The following LHFPL3 variants were observed in gnomAD, a reference collection of about 807,000 sequenced individuals.
LHFPL3 encodes LHFPL tetraspan subfamily member 3 protein.
Under a neutral mutation model 19.3 loss-of-function variants are expected in LHFPL3, and 5 were observed. The observed-to-expected ratio is 0.26, with a 90% CI of 0.14 to 0.54. The LOEUF is 0.54. LHFPL3 is among the 20% of genes least tolerant of loss of function. The pLI is 0.94. For synonymous variants in LHFPL3, 133 were observed against 126.2 expected, an observed-to-expected ratio of 1.05 and a Z score of -0.36; for missense variants, 249 against 307.4, an observed-to-expected ratio of 0.81 and a Z score of 1.42.
intron 1 of LHFPL3, among the ~76,000 whole-genome samples, chr7:104,430,446 ATATATATATTTTTTTTTTTTTTTTTT>A (rs1791973169): frequency 4.9e-5 from 1 of 20,420 alleles, no homozygotes; most frequent in African/African-American, 2.9e-4. Flanking sequence ...ATATATATAT[ATATATATATTTTTTTTTTTTTTTTTT>A]TTTTTTTTTT....
chr7:104,536,555 T>C (rs1794392510), intron 1 of LHFPL3, among the ~76,000 whole-genome samples: 1 of 152,210 alleles, frequency 6.6e-6, no homozygotes, highest in South Asian at 2.1e-4. Flanking sequence ...TCAATTAAAG[T>C]TGTAGTTCTG....
At chr7:104,809,569 TA>T (rs771100399) in intron 2 of LHFPL3, among the ~76,000 whole-genome samples, 2 of 152,248 alleles carry the variant, frequency 1.3e-5, no homozygotes, top group Admixed American at 6.5e-5. Context: ...ATTCTATTAC[TA>T]GCACTCTCAC....
chr7:104,775,100 A>T (rs1398816392), intron 2 of LHFPL3, among the ~76,000 whole-genome samples: 1 of 152,204 alleles, frequency 6.6e-6, no homozygotes, highest in Non-Finnish European at 1.5e-5. Flanking sequence ...TTTGACAATT[A>T]AATATAGCTG....
At chr7:104,807,955 G>A (rs778833832) in intron 2 of LHFPL3, among the ~76,000 whole-genome samples, 11 of 152,292 alleles carry the variant, frequency 7.2e-5, no homozygotes, top group South Asian at 2.1e-4. Flanking sequence ...TGCATTCAAC[G>A]GGAGTGTTTA....
intron 2 of LHFPL3, among the ~76,000 whole-genome samples, chr7:104,830,358 G>A (rs1422586974): frequency 6.6e-6 from 1 of 151,686 alleles, no homozygotes; most frequent in Non-Finnish European, 1.5e-5. Flanking sequence ...TGTCAATTTT[G>A]GCTTTTGTTG....
At chr7:104,764,789 C>T (rs1794428494) in intron 2 of LHFPL3, among the ~76,000 whole-genome samples, 1 of 152,172 alleles carries the variant, frequency 6.6e-6, no homozygotes, top group Non-Finnish European at 1.5e-5. Context: ...TATTGAAGTG[C>T]TTTACAATTT....
intron 1 of LHFPL3, among the ~76,000 whole-genome samples, chr7:104,442,088 A>G (rs1266342764): frequency 6.6e-6 from 1 of 151,390 alleles, no homozygotes; most frequent in African/African-American, 2.4e-5. Flanking sequence ...CAGAATAGCC[A>G]TTCTAACAGG....
chr7:104,622,571 C>A (rs1391483421), intron 1 of LHFPL3, among the ~76,000 whole-genome samples: 3 of 152,136 alleles, frequency 2.0e-5, no homozygotes, highest in Non-Finnish European at 2.9e-5. Context: ...CCATCCCCCC[C>A]AAAAATCCTC....
At chr7:104,382,430 G>T (rs148050534) in intron 1 of LHFPL3, among the ~76,000 whole-genome samples, 168 of 152,346 alleles carry the variant, frequency 1.1e-3, no homozygotes, top group Middle Eastern at 6.8e-3. Context: ...GGAGGTTGCT[G>T]TGAGCCAAGA....
intron 2 of LHFPL3, among the ~76,000 whole-genome samples, chr7:104,905,074 G>A (rs1792570673): frequency 6.6e-6 from 1 of 152,032 alleles, no homozygotes; most frequent in South Asian, 2.1e-4. Context: ...TCCCACGTCA[G>A]CCCCTTGAGT....
At chr7:104,370,281 G>A (rs1048043366) in intron 1 of LHFPL3, among the ~76,000 whole-genome samples, 57 of 152,212 alleles carry the variant, frequency 3.7e-4, no homozygotes, top group African/African-American at 1.3e-3. Flanking sequence ...CTGCAAGCTG[G>A]AATGAACTAC....
At chr7:104,796,165 G>T (rs2116460169) in intron 2 of LHFPL3, among the ~76,000 whole-genome samples, 1 of 152,328 alleles carries the variant, frequency 6.6e-6, no homozygotes, top group Middle Eastern at 3.4e-3. Flanking sequence ...CGAGGAAGCA[G>T]GTCCTGAAGT....
intron 1 of LHFPL3, among the ~76,000 whole-genome samples, chr7:104,461,087 G>C (rs1395570300): frequency 6.6e-6 from 1 of 152,184 alleles, no homozygotes; most frequent in East Asian, 1.9e-4. Flanking sequence ...GTTTCACATG[G>C]CTGGGGAGGC....
At chr7:104,524,120 A>G (rs1034986325) in intron 1 of LHFPL3, among the ~76,000 whole-genome samples, 2 of 152,182 alleles carry the variant, frequency 1.3e-5, no homozygotes, top group African/African-American at 4.8e-5. Flanking sequence ...ATTGAGATGT[A>G]TTTATGGAAT....
At chr7:104,538,844 G>A (rs947316965) in intron 1 of LHFPL3, among the ~76,000 whole-genome samples, 3 of 152,176 alleles carry the variant, frequency 2.0e-5, no homozygotes, top group African/African-American at 7.2e-5. Context: ...ACCTTAAGAT[G>A]AGGAAATGTG....
At position 104,748,208 on chromosome 7, in the gene LHFPL3, A is replaced by G. The variant is rs1390497105; in HGVS notation, c.682+11297A>G. 3.3e-5 allele frequency among the ~76,000 whole-genome samples: 5 copies of G among 151,634 alleles called. No homozygotes were observed. The East Asian group carries it at 9.9e-4, about 30-fold the overall frequency. On this transcript the variant is annotated intron_variant, in intron 2 of 2. Transcript: ENST00000424859. ...CTAATCTCAAGTACCCAGGGACACA[A>G]AAACTGCGGAAGGCCGCAGGGACCT...
chr7:104,377,558 C>G (rs1328450388), intron 1 of LHFPL3, among the ~76,000 whole-genome samples: 1 of 152,178 alleles, frequency 6.6e-6, no homozygotes, highest in Non-Finnish European at 1.5e-5. Context: ...ATGACAGAGT[C>G]TTTTGCTTAG....
Position 104,861,008 on chromosome 7 carries a change from C to T in LHFPL3, c.683-45179C>T, listed in dbSNP as rs570084674. 2.5e-4 allele frequency among the ~76,000 whole-genome samples: 38 copies of T among 152,202 alleles called. 1 individual carries two copies. In the South Asian group the frequency reaches 5.6e-3, roughly 22 times the overall value. ...CCGACAATCTTGTGCTTTCCACTGT[C>T]GCATGCAATTAGGTGCTATTTATAG... On this transcript the variant is annotated intron_variant, in intron 2 of 2. Coordinates refer to ENST00000424859, the MANE Select transcript of LHFPL3 (RefSeq NM_199000.3).
intron 2 of LHFPL3, among the ~76,000 whole-genome samples, chr7:104,868,472 A>C (rs1791771373): frequency 6.6e-6 from 1 of 152,210 alleles, no homozygotes; most frequent in Non-Finnish European, 1.5e-5. Context: ...ACTCCCATTC[A>C]CAATTGCTTC....
Sources: allele counts gnomAD v4.1 joint callset (sites outside exome capture counted in the v4.1 genomes callset), GRCh38; gene constraint gnomAD v4.1.1; transcripts MANE v1.5; gene names NCBI Gene and HGNC (gene_info 2026-07-23, HGNC 2026-07-21).